The following SPTLC2 variants were observed in gnomAD, a reference collection of about 807,000 sequenced individuals.
SPTLC2 encodes the protein serine palmitoyltransferase long chain base subunit 2, also known as serine palmitoyltransferase 2.
SPTLC2 carries 21 observed loss-of-function variants against 62.0 expected under a neutral mutation model. That is an observed-to-expected ratio of 0.34 (90% CI 0.24 to 0.49). The LOEUF (loss-of-function observed/expected upper bound fraction) is 0.49, where lower values mean the gene tolerates loss of function less well. Among genes scored for constraint, SPTLC2 ranks in the 20% least tolerant of loss-of-function variants. The pLI, the probability that SPTLC2 is intolerant of heterozygous loss-of-function variation, is 0.99. For synonymous variants in SPTLC2, 261 were observed against 261.8 expected (o/e 1.00, Z 0.03); for missense variants, 511 against 713.0 (o/e 0.72, Z 3.23).
rs1029882330 is a variant in SPTLC2, at chr14:77,548,737, G to T, written c.1303+3359C>A. ...ATGTCCTGTTCTTCCTTGGGAAAAG[G>T]ATAGAAACTGGAGGGGAAATGCGGA... is the stretch of plus-strand genomic sequence containing the variant. On this transcript the variant is annotated intron_variant, in intron 9 of 11. Transcript: ENST00000216484. Among the ~76,000 whole-genome samples, 8 of 152,130 alleles carry T rather than the reference G, an allele frequency of 5.3e-5. 1 individual carries two copies. The highest frequency in any genetic ancestry group is 1.9e-4 in the African/African-American group (8 of 41,432).
intron 2 of SPTLC2, among the ~76,000 whole-genome samples, chr14:77,583,650 A>C (rs777205723): frequency 3.9e-5 from 6 of 152,138 alleles, no homozygotes; most frequent in Non-Finnish European, 5.9e-5. Flanking sequence ...ATCATCATTG[A>C]CCTAATACTC....
At chr14:77,532,709 A>G (rs1371873222) in intron 9 of SPTLC2, among the ~76,000 whole-genome samples, 4 of 152,032 alleles carry the variant, frequency 2.6e-5, no homozygotes, top group Admixed American at 6.6e-5. Flanking sequence ...GTGTGAACCC[A>G]GGAGGCGGAG....
chr14:77,515,542 C>CTTTT lies in SPTLC2; in HGVS notation c.1569+2492_1569+2495dup, dbSNP rs71128633. ...AATTAGCCAGTGTACAAGGGAAAGG[C>CTTTT]TTTTTTTTTTTTTTTTTTTTTTTTT... On this transcript the variant is annotated intron_variant, in intron 11 of 11. Coordinates refer to ENST00000216484, the MANE Select transcript of SPTLC2 (RefSeq NM_004863.4). Among the ~76,000 whole-genome samples the CTTTT allele has an allele frequency of 3.3e-3, 415 of 124,628 alleles. 9 individuals are homozygous for CTTTT. The highest frequency in any genetic ancestry group is 6.3e-3 in the African/African-American group (179 of 28,560). 81.8% of individuals were successfully genotyped at this position (124,628 alleles called of 152,430 possible). A position where few individuals can be genotyped will look rare whatever the true frequency, so the allele number is the denominator to read the frequency against.
chr14:77,546,615 T>G (rs2079529297), intron 9 of SPTLC2, among the ~76,000 whole-genome samples: 1 of 152,136 alleles, frequency 6.6e-6, no homozygotes, highest in Non-Finnish European at 1.5e-5. Flanking sequence ...CCCCTACCAC[T>G]GGACTGTTTT....
chr14:77,541,530 G>A (rs1271182799), intron 9 of SPTLC2, among the ~76,000 whole-genome samples: 1 of 152,114 alleles, frequency 6.6e-6, no homozygotes, highest in African/African-American at 2.4e-5. Context: ...TTAGAAGCGG[G>A]GGGTCCATGT....
chr14:77,575,651 C>A (rs373270674), intron 4 of SPTLC2, among the ~76,000 whole-genome samples: 1 of 152,228 alleles, frequency 6.6e-6, no homozygotes, highest in East Asian at 1.9e-4. Flanking sequence ...CTGGCCTCAG[C>A]CTCCTGAATG....
intron 1 of SPTLC2, among the ~76,000 whole-genome samples, chr14:77,599,973 A>G (rs567041184): frequency 1.2e-4 from 19 of 152,164 alleles, no homozygotes; most frequent in Non-Finnish European, 2.5e-4. Context: ...AAATTATTTA[A>G]ACTATTTACT....
chr14:77,536,539 GA>G (rs2079471898), intron 9 of SPTLC2, among the ~76,000 whole-genome samples: 1 of 152,038 alleles, frequency 6.6e-6, no homozygotes, highest in Non-Finnish European at 1.5e-5. Context: ...ATAAATGTTA[GA>G]ATATTTTCAT....
intron 9 of SPTLC2, among the ~76,000 whole-genome samples, chr14:77,551,722 C>T (rs187759953): frequency 2.0e-5 from 3 of 152,282 alleles, no homozygotes; most frequent in Non-Finnish European, 4.4e-5. Context: ...ATCAGGAATA[C>T]TAATTTATGA....
rs1306984700 is a variant in SPTLC2 at position 77,509,907 on chromosome 14, C to T, written c.*2377G>A. 7.5e-6 allele frequency: 3 copies of T among 398,198 alleles called. No individual in the cohort carries two copies. Among genetic ancestry groups the T allele is most frequent in the African/African-American group, 2.1e-5 (1 of 48,574 alleles). The allele number at this position is 398,198 out of a possible 1,614,324, so 24.7% of individuals were successfully genotyped here. A position where few individuals can be genotyped will look rare whatever the true frequency, so the allele number is the denominator to read the frequency against. ...AGTGATATAGATATATTTTAAATGC[C>T]GGTACTGACATTTGAATTTGCAGTG... On this transcript the variant is annotated 3_prime_UTR_variant, in exon 12 of 12. Coordinates refer to ENST00000216484, the MANE Select transcript of SPTLC2 (RefSeq NM_004863.4).
At chr14:77,608,556 A>G (rs558504468) in intron 1 of SPTLC2, among the ~76,000 whole-genome samples, 1 of 152,342 alleles carries the variant, frequency 6.6e-6, no homozygotes, top group East Asian at 1.9e-4. Context: ...TGATCTGAGC[A>G]CTAGAAATAC....
intron 2 of SPTLC2, among the ~76,000 whole-genome samples, chr14:77,592,682 G>A (rs1343460902): frequency 6.6e-6 from 1 of 152,130 alleles, no homozygotes; most frequent in East Asian, 1.9e-4. Context: ...TTGTTGTACA[G>A]ATTATTTTGT....
intron 9 of SPTLC2, among the ~76,000 whole-genome samples, chr14:77,536,999 T>G (rs1280157287): frequency 6.6e-6 from 1 of 151,706 alleles, no homozygotes; most frequent in Non-Finnish European, 1.5e-5. Flanking sequence ...CTTGGCTTAC[T>G]GCAACCTCCG....
chr14:77,573,197 C>T (rs1015462832), intron 4 of SPTLC2, among the ~76,000 whole-genome samples: 3 of 151,640 alleles, frequency 2.0e-5, no homozygotes, highest in African/African-American at 4.9e-5. Flanking sequence ...GTAGGGGGAG[C>T]GGGGGAGATG....
chr14:77,564,259 G>GGAGGAGGAA (rs1318381287), intron 5 of SPTLC2, among the ~76,000 whole-genome samples: 1 of 146,686 alleles, frequency 6.8e-6, no homozygotes, highest in Admixed American at 6.9e-5. Flanking sequence ...AAAAGGAGGA[G>GGAGGAGGAA]GAGGAGGAAG....
chr14:77,583,338 C>T (rs895422582), intron 2 of SPTLC2, among the ~76,000 whole-genome samples: 1 of 152,008 alleles, frequency 6.6e-6, no homozygotes, highest in African/African-American at 2.4e-5. Context: ...CTTGCAGTTC[C>T]AGTTCTAGGC....
chr14:77,613,174 A>C (rs2079947166), intron 1 of SPTLC2, among the ~76,000 whole-genome samples: 1 of 152,248 alleles, frequency 6.6e-6, no homozygotes, highest in Non-Finnish European at 1.5e-5. Context: ...ATGGAATAAT[A>C]ATCCAATTTG....
At chr14:77,591,452 G>C (rs145390463) in intron 2 of SPTLC2, among the ~76,000 whole-genome samples, 1 of 152,118 alleles carries the variant, frequency 6.6e-6, no homozygotes, top group Non-Finnish European at 1.5e-5. Context: ...CCATTGTATC[G>C]TACACTTTAA....
intron 6 of SPTLC2, among the ~76,000 whole-genome samples, chr14:77,559,710 C>T (rs190371398): frequency 6.6e-6 from 1 of 151,898 alleles, no homozygotes; most frequent in African/African-American, 2.4e-5. Flanking sequence ...GGCAACACAG[C>T]GAGACTTTGT....
Sources: gnomAD v4.1 joint callset for allele counts (sites outside exome capture counted in the v4.1 genomes callset) on GRCh38, gnomAD v4.1.1 for gene constraint, MANE v1.5 for transcripts, NCBI Gene and HGNC (gene_info 2026-07-23, HGNC 2026-07-21) for gene names.